DCC: variants seen among roughly 807,000 people sequenced by gnomAD.
DCC encodes netrin receptor DCC.
Under a neutral mutation model 172.5 loss-of-function variants are expected in DCC, and 58 were observed. The observed-to-expected ratio is 0.34, with a 90% CI of 0.27 to 0.42. The LOEUF (loss-of-function observed/expected upper bound fraction) is 0.42, where lower values mean the gene tolerates loss of function less well. Among genes scored for constraint, DCC ranks in the 10% least tolerant of loss-of-function variants. The pLI, the probability that DCC is intolerant of heterozygous loss-of-function variation, is 1.00. For missense variants in DCC, 1,740 were observed against 1,791.0 expected (o/e 0.97, Z 0.51); for synonymous variants, 709 against 644.5 (o/e 1.10, Z -1.52).
At chr18:52,625,441 T>C (rs117437206) in intron 1 of DCC, among the ~76,000 whole-genome samples, 1 of 152,338 alleles carries the variant, frequency 6.6e-6, no homozygotes, top group Non-Finnish European at 1.5e-5. Context: ...CAAGGAGACA[T>C]GTGCTTTGCT....
intron 7 of DCC, among the ~76,000 whole-genome samples, chr18:53,152,503 G>A (rs2054656980): frequency 6.6e-6 from 1 of 151,944 alleles, no homozygotes. Flanking sequence ...ATGAATATTT[G>A]GCTTTTCGTT....
chr18:52,549,645 T>C (rs1422351942), intron 1 of DCC, among the ~76,000 whole-genome samples: 1 of 152,124 alleles, frequency 6.6e-6, no homozygotes, highest in African/African-American at 2.4e-5. Context: ...GGACATTCAT[T>C]TGAATTGTTA....
chr18:52,910,101 C>T (rs576055682), intron 3 of DCC, among the ~76,000 whole-genome samples: 23 of 152,172 alleles, frequency 1.5e-4, no homozygotes, highest in South Asian at 2.1e-4. Flanking sequence ...AATGCTACAG[C>T]GCTCATCCTG....
At chr18:52,712,203 C>G (rs558397139) in intron 1 of DCC, among the ~76,000 whole-genome samples, 3 of 152,272 alleles carry the variant, frequency 2.0e-5, no homozygotes, top group East Asian at 3.9e-4. Context: ...TTGTGATCCA[C>G]CTGCCTAGGC....
chr18:53,014,021 T>A (rs2143891413), intron 5 of DCC, among the ~76,000 whole-genome samples: 1 of 152,274 alleles, frequency 6.6e-6, no homozygotes, highest in South Asian at 2.1e-4. Flanking sequence ...GATACTATTT[T>A]GTAACCTTAG....
At chr18:52,425,268 G>C (rs777059510) in intron 1 of DCC, among the ~76,000 whole-genome samples, 2 of 152,120 alleles carry the variant, frequency 1.3e-5, no homozygotes, top group Non-Finnish European at 2.9e-5. Flanking sequence ...CACATAGTTG[G>C]GTGTGGCTAA....
At chr18:53,165,113 C>A (rs2054896835) in intron 8 of DCC, among the ~76,000 whole-genome samples, 1 of 152,128 alleles carries the variant, frequency 6.6e-6, no homozygotes, top group South Asian at 2.1e-4. Flanking sequence ...TTAATCCTCA[C>A]AATAATACTG....
chr18:53,157,203 T>C lies in DCC; in HGVS notation c.1262-153T>C, dbSNP rs2276146. On this transcript the variant is annotated intron_variant, in intron 7 of 28. Coordinates refer to ENST00000442544, the MANE Select transcript of DCC (RefSeq NM_005215.4). ...AAATACAAATATACCTTTTATTCCA[T>C]TTACTGTGTGCATTCCCTTGGTTTT... Among the ~76,000 whole-genome samples the C allele has an allele frequency of 5.3e-5, 8 of 152,314 alleles. No individual in the cohort carries two copies. The East Asian group carries it at 1.5e-3, about 29-fold the overall frequency.
intron 23 of DCC, among the ~76,000 whole-genome samples, chr18:53,455,837 C>T (rs2045476011): frequency 6.6e-6 from 1 of 152,230 alleles, no homozygotes; most frequent in Admixed American, 6.5e-5. Flanking sequence ...TCCCAGGAGC[C>T]ATGCCATGTT....
intron 1 of DCC, among the ~76,000 whole-genome samples, chr18:52,489,500 A>C (rs2144600723): frequency 6.6e-6 from 1 of 152,258 alleles, no homozygotes; most frequent in Non-Finnish European, 1.5e-5. Flanking sequence ...GATCTCAAAA[A>C]CGTGAGAGGT....
At chr18:53,144,442 C>T (rs557103108) in intron 7 of DCC, among the ~76,000 whole-genome samples, 3 of 152,098 alleles carry the variant, frequency 2.0e-5, no homozygotes, top group Non-Finnish European at 4.4e-5. Flanking sequence ...GATGGAAGAG[C>T]ACGGGACATC....
intron 2 of DCC, among the ~76,000 whole-genome samples, chr18:52,893,529 T>C (rs764241233): frequency 6.6e-6 from 1 of 152,164 alleles, no homozygotes; most frequent in South Asian, 2.1e-4. Flanking sequence ...TTGAAATGAA[T>C]AGGGAAATGT....
chr18:53,301,281 G>A (rs1266754911), intron 12 of DCC, among the ~76,000 whole-genome samples: 4 of 151,728 alleles, frequency 2.6e-5, no homozygotes, highest in Admixed American at 2.0e-4. Flanking sequence ...TAGAGATGGG[G>A]TTTCTCCATG....
In DCC at chr18:52,541,881, A is replaced by ATATATATATGTATATATATATATATG. The variant is rs1160118260; in HGVS notation, c.91+201012_91+201013insGTATATATATATATATGTATATATAT. On this transcript the variant is annotated intron_variant, in intron 1 of 28. Coordinates refer to ENST00000442544, the MANE Select transcript of DCC (RefSeq NM_005215.4). Reference sequence around the variant, plus strand: ...GTATATGATGTGTGTGTGTGTATATATATATATATATATATGTGTATATAT... The same window carrying ATATATATATGTATATATATATATATG: ...GTATATGATGTGTGTGTGTGTATATATATATATATGTATATATATATATATGTATATATATATATATGTGTATATAT... Among the ~76,000 whole-genome samples the ATATATATATGTATATATATATATATG allele has an allele frequency of 1.6e-3, 215 of 133,010 alleles. 5 individuals are homozygous for ATATATATATGTATATATATATATATG. Among genetic ancestry groups the ATATATATATGTATATATATATATATG allele is most frequent in the Non-Finnish European group, 2.7e-3 (165 of 61,992 alleles). 87.3% of individuals were successfully genotyped at this position (133,010 alleles called of 152,430 possible).
intron 5 of DCC, among the ~76,000 whole-genome samples, chr18:52,948,629 C>A (rs559079583): frequency 6.6e-6 from 1 of 152,132 alleles, no homozygotes; most frequent in Non-Finnish European, 1.5e-5. Context: ...TGTTCACCTT[C>A]TTTCTTCTCC....
intron 1 of DCC, among the ~76,000 whole-genome samples, chr18:52,437,480 G>C (rs1282819663): frequency 1.3e-5 from 2 of 152,142 alleles, no homozygotes; most frequent in African/African-American, 4.8e-5. Context: ...ATAGTGAAAA[G>C]GTTGAGGGGC....
rs141359743 is a variant in DCC at position 52,996,261 on chromosome 18, C to T, written c.986-67044C>T. 1.6e-3 allele frequency among the ~76,000 whole-genome samples: 246 copies of T among 151,772 alleles called. 1 individual carries two copies. Among genetic ancestry groups the T allele is most frequent in the African/African-American group, 5.7e-3 (236 of 41,472 alleles). ...TTATTTTATATAATTATATATTTTT[C>T]TCTAATTATATTCTAATTATATTGT... is the stretch of plus-strand genomic sequence containing the variant. On this transcript the variant is annotated intron_variant, in intron 5 of 28. Coordinates refer to ENST00000442544, the MANE Select transcript of DCC (RefSeq NM_005215.4).
At chr18:52,558,930 G>A (rs537559338) in intron 1 of DCC, among the ~76,000 whole-genome samples, 13 of 152,252 alleles carry the variant, frequency 8.5e-5, no homozygotes, top group East Asian at 5.8e-4. Flanking sequence ...CAAGGAAACC[G>A]AGGTTGGGAC....
At chr18:52,643,561 G>C (rs2034953605) in intron 1 of DCC, among the ~76,000 whole-genome samples, 1 of 152,106 alleles carries the variant, frequency 6.6e-6, no homozygotes, top group African/African-American at 2.4e-5. Flanking sequence ...ATGGTCCCAA[G>C]CTCCCAATCC....
Sources: gnomAD v4.1 joint callset for allele counts (sites outside exome capture counted in the v4.1 genomes callset) on GRCh38, gnomAD v4.1.1 for gene constraint, MANE v1.5 for transcripts, NCBI Gene and HGNC (gene_info 2026-07-23, HGNC 2026-07-21) for gene names.